NNT: variants seen among roughly 807,000 people sequenced by gnomAD.
NNT encodes NAD(P) transhydrogenase, mitochondrial.
In NNT, 50 loss-of-function variants were observed where a neutral mutation model predicts 104.8. That is an observed-to-expected ratio of 0.48 (90% CI 0.38 to 0.60). NNT has a LOEUF of 0.60. Ranked by LOEUF, NNT falls within the 20% of genes least tolerant of loss-of-function variation. NNT has a pLI of 0.00. For synonymous variants in NNT, 461 were observed against 490.4 expected (o/e 0.94, Z 0.79); for missense variants, 1,131 against 1,330.7 (o/e 0.85, Z 2.33).
At chr5:43,685,639 A>G (rs1175945549) in intron 19 of NNT, among the ~76,000 whole-genome samples, 2 of 152,138 alleles carry the variant, frequency 1.3e-5, no homozygotes, top group African/African-American at 4.8e-5. Flanking sequence ...ATTTAATTAA[A>G]CATTCTTAAT....
chr5:43,675,627 A>G lies in NNT; in HGVS notation c.2751A>G (p.Ala917=), dbSNP rs1275072805. ...GTHTEINLDN[A]IDMIREANSI... ...ATACGGAAATCAACCTTGACAATGC[A>G]ATTGACATGATTCGAGAAGCTAATA... The change falls in exon 18 of 22, where the codon GCA becomes GCG. Residue 917 remains alanine (A), a synonymous_variant. Transcript: ENST00000344920. The G allele has an allele frequency of 1.2e-6, 2 of 1,610,988 alleles. No individual in the cohort carries two copies. The highest frequency in any genetic ancestry group is 4.5e-5 in the East Asian group (2 of 44,676).
chr5:43,625,077 G>A (rs1393635890), intron 6 of NNT, among the ~76,000 whole-genome samples: 1 of 152,082 alleles, frequency 6.6e-6, no homozygotes, highest in Non-Finnish European at 1.5e-5. Flanking sequence ...ACAAACCAAG[G>A]ATAGCTAGAG....
intron 7 of NNT, among the ~76,000 whole-genome samples, chr5:43,643,573 G>C (rs1561284192): frequency 1.3e-5 from 2 of 152,116 alleles, no homozygotes; most frequent in Non-Finnish European, 2.9e-5. Context: ...TTGTTGAGTG[G>C]GAATAAAAGT....
chr5:43,626,404 T>C (rs1040835980), intron 6 of NNT, among the ~76,000 whole-genome samples: 2 of 152,104 alleles, frequency 1.3e-5, no homozygotes, highest in African/African-American at 4.8e-5. Context: ...ATGGAACCAA[T>C]TCCCCATGGA....
intron 7 of NNT, among the ~76,000 whole-genome samples, chr5:43,633,080 T>C (rs1750764314): frequency 6.6e-6 from 1 of 152,216 alleles, no homozygotes; most frequent in Non-Finnish European, 1.5e-5. Context: ...ACCTCAGGTC[T>C]AGTCCTTACT....
At chr5:43,652,909 T>G in intron 13 of NNT, 109 bp from the exon 14 acceptor site, 1 of 755,916 alleles carries the variant, frequency 1.3e-6, no homozygotes, top group South Asian at 2.4e-5. Flanking sequence ...AAATACAATA[T>G]AAGTATTTAA....
chr5:43,686,648 A>G (rs1341250898), intron 19 of NNT, among the ~76,000 whole-genome samples: 3 of 152,142 alleles, frequency 2.0e-5, no homozygotes, highest in Non-Finnish European at 4.4e-5. Context: ...GTATTAAGTG[A>G]TTATTAAAAA....
intron 19 of NNT, among the ~76,000 whole-genome samples, chr5:43,693,707 T>A (rs528242640): frequency 1.3e-5 from 2 of 151,690 alleles, no homozygotes; most frequent in African/African-American, 2.4e-5. Context: ...TCTAGAGAAT[T>A]AAAAAAAAAT....
At chr5:43,629,437 A>AATG (rs1750559390) in intron 7 of NNT, among the ~76,000 whole-genome samples, 1 of 152,196 alleles carries the variant, frequency 6.6e-6, no homozygotes, top group Non-Finnish European at 1.5e-5. Flanking sequence ...TGCTATAAAC[A>AATG]TGTGTATGCA....
At chr5:43,656,860 A>T in intron 16 of NNT, 47 bp downstream of exon 16, 1 of 1,539,298 alleles carries the variant, frequency 6.5e-7, no homozygotes, top group Middle Eastern at 1.8e-4. Flanking sequence ...AAGAACTGGG[A>T]ATATTTTGTT....
chr5:43,642,118 C>A (rs1402044629), intron 7 of NNT, among the ~76,000 whole-genome samples: 1 of 152,094 alleles, frequency 6.6e-6, no homozygotes. Flanking sequence ...CAAATATGTG[C>A]AATCATTGGC....
intron 14 of NNT, among the ~76,000 whole-genome samples, chr5:43,655,534 T>C (rs930079337): frequency 6.6e-6 from 1 of 152,182 alleles, no homozygotes; most frequent in Non-Finnish European, 1.5e-5. Context: ...CATAAATGAA[T>C]TTTGTGTTTA....
intron 5 of NNT, among the ~76,000 whole-genome samples, chr5:43,619,535 AG>A (rs1343708598): frequency 6.6e-6 from 1 of 152,230 alleles, no homozygotes; most frequent in Non-Finnish European, 1.5e-5. Flanking sequence ...TCAAGAAGAC[AG>A]GAAATGGGAG....
intron 6 of NNT, among the ~76,000 whole-genome samples, chr5:43,624,664 T>C (rs1750272485): frequency 6.6e-6 from 1 of 152,246 alleles, no homozygotes; most frequent in Admixed American, 6.5e-5. Context: ...TTATGTATAC[T>C]GTGTATTTCT....
intron 3 of NNT, among the ~76,000 whole-genome samples, chr5:43,614,271 A>G (rs1335983314): frequency 1.3e-5 from 2 of 152,222 alleles, no homozygotes; most frequent in Admixed American, 6.5e-5. Context: ...CAGAAATCCT[A>G]TAACATAGAA....
chr5:43,680,672 A>G (rs976874850), intron 19 of NNT, among the ~76,000 whole-genome samples: 2 of 152,244 alleles, frequency 1.3e-5, no homozygotes, highest in Non-Finnish European at 2.9e-5. Context: ...GCCCATAGTC[A>G]TAATATGCTC....
At chr5:43,697,440 C>T (rs1462572151) in intron 19 of NNT, among the ~76,000 whole-genome samples, 2 of 152,140 alleles carry the variant, frequency 1.3e-5, no homozygotes, top group Non-Finnish European at 2.9e-5. Context: ...AACTTTCCCA[C>T]GTTTTCCTGT....
At chr5:43,640,200 G>C (rs959242826) in intron 7 of NNT, among the ~76,000 whole-genome samples, 1 of 152,020 alleles carries the variant, frequency 6.6e-6, no homozygotes, top group African/African-American at 2.4e-5. Context: ...TGTCTCTGGG[G>C]TGTAGAGGGC....
At chr5:43,618,075 A>G (rs770364907) in intron 4 of NNT, among the ~76,000 whole-genome samples, 3 of 152,220 alleles carry the variant, frequency 2.0e-5, no homozygotes, top group Non-Finnish European at 2.9e-5. Context: ...ATAAATTGCT[A>G]TGAAAATGAA....
Sources: gnomAD v4.1 joint callset for allele counts (sites outside exome capture counted in the v4.1 genomes callset) on GRCh38, gnomAD v4.1.1 for gene constraint, MANE v1.5 for transcripts, NCBI Gene and HGNC (gene_info 2026-07-23, HGNC 2026-07-21) for gene names.